Variants in ZNF91 observed in about 807,000 individuals in gnomAD.
ZNF91 encodes zinc finger protein 91, also known as zinc finger protein 91 (HPF7, HTF10).
In ZNF91, 7 loss-of-function variants were observed where a neutral mutation model predicts 12.6. That is an observed-to-expected ratio of 0.55 (90% CI 0.31 to 1.04). The LOEUF (loss-of-function observed/expected upper bound fraction) is 1.04, where lower values mean the gene tolerates loss of function less well. Among genes scored for constraint, ZNF91 ranks in the 50% least tolerant of loss-of-function variants. The probability of loss-of-function intolerance (pLI) is 0.05; values close to 1 mark genes in which losing one functional copy is unlikely to be tolerated. For missense variants in ZNF91, 1,217 were observed against 1,385.4 expected (o/e 0.88, Z 1.93); for synonymous variants, 453 against 462.6 (o/e 0.98, Z 0.27).
chr19:23,362,400 G>T lies in ZNF91; in HGVS notation c.579C>A (p.Ile193=). 1 of 1,613,986 alleles carries T rather than the reference G, an allele frequency of 6.2e-7. No homozygotes were observed. The highest frequency in any genetic ancestry group is 8.5e-7 in the Non-Finnish European group (1 of 1,179,976). The change falls in exon 4 of 4, where the codon ATC becomes ATA. Residue 193 remains isoleucine, a synonymous_variant. Transcript: ENST00000300619. The stretch of plus-strand genomic sequence containing the variant: ...ATTTATGTTGGGTTTTGTGTAAACG[G>T]ATGCAAAATGACTTGACACATTTTT... ...KCKKCVKSFC[I]RLHKTQHKCV...
chr19:23,377,513 A>G (rs1969545780), intron 1 of ZNF91, among the ~76,000 whole-genome samples: 1 of 152,212 alleles, frequency 6.6e-6, no homozygotes, highest in Non-Finnish European at 1.5e-5. Flanking sequence ...GAAATGGTCC[A>G]TAAATGGGTG....
At chr19:23,332,151 C>T (rs1967938073) in intron 1 of ZNF91, among the ~76,000 whole-genome samples, 1 of 152,198 alleles carries the variant, frequency 6.6e-6, no homozygotes, top group African/African-American at 2.4e-5. Context: ...CTTTCTGTTT[C>T]TCTTCTACCT....
At chr19:23,388,575 G>T (rs79153976) in intron 1 of ZNF91, among the ~76,000 whole-genome samples, 1 of 152,060 alleles carries the variant, frequency 6.6e-6, no homozygotes, top group East Asian at 1.9e-4. Flanking sequence ...ATTATTCTTG[G>T]AAAACCAATG....
chr19:23,374,867 T>A (rs1969446565), intron 1 of ZNF91, 103 bp from the exon 2 acceptor site: 1 of 1,528,792 alleles, frequency 6.5e-7, no homozygotes, highest in East Asian at 2.3e-5. Context: ...TGGTTCTGAC[T>A]TATAAGAGTG....
Position 23,360,084 on chromosome 19 carries a change from G to C in ZNF91, c.2895C>G (p.Pro965=), listed in dbSNP as rs1166159807. ...CTTTGCCACATTCTTCACATTTGTA[G>C]GGTTTCTCTCCAGTATGAATTATCT... The part of the protein sequence containing the change: ...THKIIHTGEK[P]YKCEECGKAF... Residue 965 remains proline (P), a synonymous_variant, in exon 4 of 4, where the codon CCC becomes CCG. Coordinates refer to ENST00000300619, the MANE Select transcript of ZNF91 (RefSeq NM_003430.4). 6.2e-7 allele frequency: 1 copy of C among 1,610,838 alleles called. No homozygotes were observed. The highest frequency in any genetic ancestry group is 1.7e-5 in the Admixed American group (1 of 59,750).
intron 1 of ZNF91, among the ~76,000 whole-genome samples, chr19:23,382,319 T>C (rs915825001): frequency 1.3e-5 from 2 of 152,146 alleles, no homozygotes; most frequent in African/African-American, 4.8e-5. Flanking sequence ...AGAATGTTTA[T>C]GGAAGAAAAA....
chr19:23,322,657 CCT>C (rs1967722447), intron 1 of ZNF91, among the ~76,000 whole-genome samples: 2 of 146,352 alleles, frequency 1.4e-5, no homozygotes, highest in East Asian at 2.5e-4. Context: ...TCCTCCTCCT[CCT>C]TTTTCCTCCT....
At chr19:23,389,417 A>C (rs1459526627) in intron 1 of ZNF91, among the ~76,000 whole-genome samples, 1 of 150,438 alleles carries the variant, frequency 6.6e-6, no homozygotes, top group East Asian at 2.0e-4. Flanking sequence ...AAAAAAAAAA[A>C]ACACTAGGAT....
intron 1 of ZNF91, among the ~76,000 whole-genome samples, chr19:23,390,709 T>A (rs948713789): frequency 6.6e-6 from 1 of 152,022 alleles, no homozygotes; most frequent in African/African-American, 2.4e-5. Flanking sequence ...CACAGGCGTG[T>A]GCCACCATGC....
chr19:23,355,162 A>C (rs1449909980), downstream of ZNF91, among the ~76,000 whole-genome samples: 2 of 152,208 alleles, frequency 1.3e-5, no homozygotes, highest in African/African-American at 4.8e-5. Flanking sequence ...AAGCAAGACT[A>C]AGCAAAAAGA....
At chr19:23,370,557 G>C (rs573530912) in intron 3 of ZNF91, among the ~76,000 whole-genome samples, 1 of 152,230 alleles carries the variant, frequency 6.6e-6, no homozygotes, top group African/African-American at 2.4e-5. Context: ...AGCTTGAGTA[G>C]AGTGGCACAT....
chr19:23,382,329 A>C, intron 1 of ZNF91, among the ~76,000 whole-genome samples: 1 of 152,230 alleles, frequency 6.6e-6, no homozygotes, highest in East Asian at 1.9e-4. Flanking sequence ...TGGAAGAAAA[A>C]ACAGAAGAGA....
At chr19:23,348,304 C>T (rs1004210873) in intron 3 of ZNF91, among the ~76,000 whole-genome samples, 10 of 152,082 alleles carry the variant, frequency 6.6e-5, no homozygotes, top group Non-Finnish European at 8.8e-5. Context: ...GGACCCTGAA[C>T]GGAGGGACCA....
At chr19:23,371,161 G>A (rs569208102) in intron 3 of ZNF91, among the ~76,000 whole-genome samples, 34 of 152,102 alleles carry the variant, frequency 2.2e-4, no homozygotes, top group African/African-American at 7.7e-4. Flanking sequence ...ACCAACATGA[G>A]AGAAACCCTG....
In ZNF91 at chr19:23,360,926, G is replaced by A. The variant is rs779790021; in HGVS notation, c.2053C>T (p.Pro685Ser). Residue 685 changes from proline to serine, a missense_variant, in exon 4 of 4, where the codon CCC becomes TCC. Pro to Ser is a moderately conservative substitution (Grantham distance 74). Coordinates refer to ENST00000300619, the MANE Select transcript of ZNF91 (RefSeq NM_003430.4). ...NHKITHTEEKPYKCKECDKTF... is the reference protein window; with the variant it reads ...NHKITHTEEKSYKCKECDKTF... ...TTGTCACATTCTTTACATTTGTAGG[G>A]TTTCTCTTCAGTATGAGTTATCTTA... The A allele has an allele frequency of 1.2e-6, 2 of 1,613,684 alleles. No individual in the cohort carries two copies. The highest frequency in any genetic ancestry group is 1.7e-5 in the Admixed American group (1 of 60,004).
In ZNF91 at chr19:23,361,732, T is replaced by C. The variant is rs779403146; in HGVS notation, c.1247A>G (p.Asn416Ser). Residue 416 changes from asparagine to serine, a missense_variant, in exon 4 of 4, where the codon AAT becomes AGT. Around this residue, in one of 2 missense-constraint regions of ZNF91, gnomAD observed 726 missense variants for 895.5 expected, o/e 0.81. Transcript: ENST00000300619. ...YKCEECGKAFNRSSNLTIHKF... is the reference protein window; with the variant it reads ...YKCEECGKAFSRSSNLTIHKF... Reference sequence around the variant, plus strand: ...ATGTATAGTAAGATTTGAAGATCGATTAAAAGCTTTGCCACATTCTTCACA... The same window carrying C: ...ATGTATAGTAAGATTTGAAGATCGACTAAAAGCTTTGCCACATTCTTCACA... 2 of 1,606,724 alleles carry C rather than the reference T, an allele frequency of 1.2e-6. No individual in the cohort carries two copies. The highest frequency in any genetic ancestry group is 1.7e-6 in the Non-Finnish European group (2 of 1,176,116).
chr19:23,371,109 G>A (rs758626523), intron 3 of ZNF91, among the ~76,000 whole-genome samples: 1 of 152,072 alleles, frequency 6.6e-6, no homozygotes, highest in Non-Finnish European at 1.5e-5. Context: ...GGGAGGCCAC[G>A]GCAGGCAGAT....
Position 23,361,454 on chromosome 19 carries a change from T to C in ZNF91, c.1525A>G (p.Lys509Glu), listed in dbSNP as rs1160914121. 9 of 1,613,438 alleles carry C rather than the reference T, an allele frequency of 5.6e-6. No individual in the cohort carries two copies. The South Asian group carries it at 8.8e-5, about 16-fold the overall frequency. ...FRQSSTLTKH[K>E]IIHTGEKPYK... is the part of the protein sequence containing the mutation. ...GGTTTCTCTCCAGTATGAATTATCT[T>C]ATGTTTAGTAAGGGTTGAGGATTGC... Residue 509 changes from lysine (K) to glutamate (E), a missense_variant, in exon 4 of 4, where the codon AAG becomes GAG. Transcript: ENST00000300619.
chr19:23,369,405 G>T (rs1280786877), intron 3 of ZNF91, among the ~76,000 whole-genome samples: 1 of 151,666 alleles, frequency 6.6e-6, no homozygotes, highest in African/African-American at 2.4e-5. Flanking sequence ...GCCTCCGCCC[G>T]GCCGCTGCCC....
Sources: allele counts gnomAD v4.1 joint callset (sites outside exome capture counted in the v4.1 genomes callset), GRCh38; gene constraint gnomAD v4.1.1; regional missense constraint gnomAD v4.1.1; transcripts MANE v1.5; gene names NCBI Gene and HGNC (gene_info 2026-07-23, HGNC 2026-07-21).